The following FANCM variants were observed in gnomAD, a reference collection of about 807,000 sequenced individuals.
FANCM encodes the protein FA complementation group M, also known as Fanconi anemia group M protein.
Under a neutral mutation model 199.5 loss-of-function variants are expected in FANCM, and 140 were observed. The observed-to-expected ratio is 0.70, with a 90% CI of 0.61 to 0.81. FANCM has a LOEUF of 0.81. FANCM is among the 30% of genes least tolerant of loss of function. The pLI, the probability that FANCM is intolerant of heterozygous loss-of-function variation, is 0.00. For synonymous variants in FANCM, 840 were observed against 836.8 expected, an observed-to-expected ratio of 1.00 and a Z score of -0.07; for missense variants, 2,410 against 2,421.4, an observed-to-expected ratio of 1.00 and a Z score of 0.10.
rs80294966 is a variant in FANCM at position 45,154,466 on chromosome 14, A to T, written c.1184-231A>T. On this transcript the variant is annotated intron_variant, in intron 6 of 22. Transcript: ENST00000267430. ...TTAAAAATGATTTATTTTAAAAAGC[A>T]TTGGAATAATTAACAAATGGCCATG... is the stretch of plus-strand genomic sequence containing the variant. Among the ~76,000 whole-genome samples, 361 of 151,998 alleles carry T rather than the reference A, an allele frequency of 2.4e-3. 12 individuals are homozygous for T. In the East Asian group the frequency reaches 0.047, roughly 20 times the overall value.
At chr14:45,137,428 A>G in intron 2 of FANCM, 187 bp downstream of exon 2, 1 of 603,832 alleles carries the variant, frequency 1.7e-6, no homozygotes, top group Non-Finnish European at 2.9e-6. Flanking sequence ...CAGTGTCTTC[A>G]CTGCCTTTTG....
intron 3 of FANCM, among the ~76,000 whole-genome samples, chr14:45,143,786 C>T (rs759349992): frequency 4.6e-5 from 7 of 150,982 alleles, no homozygotes; most frequent in Admixed American, 6.6e-5. Context: ...CTCTGCCTCC[C>T]GGGTTCAAGC....
intron 3 of FANCM, among the ~76,000 whole-genome samples, chr14:45,144,780 A>G (rs2139134838): frequency 6.6e-6 from 1 of 152,272 alleles, no homozygotes; most frequent in South Asian, 2.1e-4. Context: ...AATGCTGTTC[A>G]AGAGTCAAGG....
chr14:45,140,363 ACCTTTGAGTATTTTGATTTGC>A (rs1424969668), intron 2 of FANCM, among the ~76,000 whole-genome samples: 1 of 152,066 alleles, frequency 6.6e-6, no homozygotes, highest in African/African-American at 2.4e-5. Context: ...TGTGCCCAGC[ACCTTTGAGTATTTTGATTTGC>A]CCTTTGAGTA....
rs1885527358 is a variant in FANCM at position 45,136,555 on chromosome 14, C to T, written c.508+16C>T. On this transcript the variant is annotated intron_variant, in intron 1 of 22. Coordinates refer to ENST00000267430, the MANE Select transcript of FANCM (RefSeq NM_020937.4). ...GAAATGACAGGTATCTTAGACTGGACTAATTTTGAAGTAAGAGCTGGGAAT... is the reference window on the plus strand; with the variant it reads ...GAAATGACAGGTATCTTAGACTGGATTAATTTTGAAGTAAGAGCTGGGAAT... 1.2e-6 allele frequency: 2 copies of T among 1,611,340 alleles called. No homozygotes were observed. The highest frequency in any genetic ancestry group is 1.7e-6 in the Non-Finnish European group (2 of 1,179,460).
Position 45,196,323 on chromosome 14 carries a change from T to C in FANCM, c.5492T>C (p.Leu1831Ser), listed in dbSNP as rs1219015477. 6.8e-6 allele frequency: 11 copies of C among 1,613,880 alleles called. No individual in the cohort carries two copies. The highest frequency in any genetic ancestry group is 9.3e-6 in the Non-Finnish European group (11 of 1,179,762). Residue 1831 changes from leucine to serine, a missense_variant, in exon 21 of 23, where the codon TTA becomes TCA. By Grantham distance (145) the Leu-to-Ser change is moderately radical (BLOSUM62 -2). Transcript: ENST00000267430. ...LVGGHEITSGLEVISSLRAIH... is the reference protein window; with the variant it reads ...LVGGHEITSGSEVISSLRAIH... The stretch of plus-strand genomic sequence containing the variant: ...GGTGGTCATGAAATCACTTCTGGAT[T>C]AGAAGTAATTTCTTCCCTAAGAGCA...
rs1259843239 is a variant in FANCM, at chr14:45,171,991, TC to T, written c.2161-1061del. 2.6e-5 allele frequency among the ~76,000 whole-genome samples: 4 copies of T among 152,274 alleles called. No homozygotes were observed. In the East Asian group the frequency reaches 7.7e-4, roughly 29 times the overall value. ...ACTCCCACCAGCAGTGTAAAAGTGT[TC>T]CCTTTTCACCACATCCACTCCAACA... On this transcript the variant is annotated intron_variant, in intron 12 of 22. Transcript: ENST00000267430.
chr14:45,196,390 T>A lies in FANCM; in HGVS notation c.5559T>A (p.Cys1853Ter), dbSNP rs1335619410. The change falls in exon 21 of 23, where the codon TGT becomes TGA. Residue 1853 changes from cysteine (C) to a stop codon, truncating the protein, a stop_gained. Coordinates refer to ENST00000267430, the MANE Select transcript of FANCM (RefSeq NM_020937.4). LOFTEE classifies it high-confidence loss of function. ...TAGAAGTTTGTCCTCTTAATGGCTGTGATTACATCGTGAGTAATCGCATGG... is the reference window on the plus strand; with the variant it reads ...TAGAAGTTTGTCCTCTTAATGGCTGAGATTACATCGTGAGTAATCGCATGG... Reference protein sequence around the residue: ...LQVEVCPLNGCDYIVSNRMVV... With the variant: ...LQVEVCPLNG 6.2e-7 allele frequency: 1 copy of A among 1,614,096 alleles called. No individual in the cohort carries two copies. The highest frequency in any genetic ancestry group is 1.1e-5 in the South Asian group (1 of 91,086).
intron 17 of FANCM, among the ~76,000 whole-genome samples, chr14:45,184,240 A>G (rs905408821): frequency 6.6e-6 from 1 of 152,092 alleles, no homozygotes; most frequent in Non-Finnish European, 1.5e-5. Context: ...TGTTTTTCTT[A>G]TTTGTATCCA....
At chr14:45,178,837 A>G (rs1428416153) in intron 14 of FANCM, among the ~76,000 whole-genome samples, 1 of 152,202 alleles carries the variant, frequency 6.6e-6, no homozygotes, top group African/African-American at 2.4e-5. Context: ...GGCCTAAAAT[A>G]ATCAGTAAAA....
intron 14 of FANCM, among the ~76,000 whole-genome samples, chr14:45,180,261 A>G (rs1040199292): frequency 6.6e-6 from 1 of 152,164 alleles, no homozygotes; most frequent in Non-Finnish European, 1.5e-5. Context: ...CTGGCCTAGG[A>G]TATTTCATGA....
At chr14:45,153,473 A>T (rs954727293) in intron 5 of FANCM, among the ~76,000 whole-genome samples, 3 of 152,214 alleles carry the variant, frequency 2.0e-5, no homozygotes, top group Non-Finnish European at 2.9e-5. Context: ...TTTGCCAGTA[A>T]CATTCATGAG....
Position 45,183,918 on chromosome 14 carries a change from G to C in FANCM, c.4515+16G>C, listed in dbSNP as rs1213024323. 6.3e-7 allele frequency: 1 copy of C among 1,587,728 alleles called. No homozygotes were observed. The highest frequency in any genetic ancestry group is 1.7e-5 in the Admixed American group (1 of 59,418). ...TCACTTAAAGGTAATCTTTTTTTTA[G>C]TTTCTTTAAATATGTATGCATTTTA... On this transcript the variant is annotated intron_variant, in intron 17 of 22. Coordinates refer to ENST00000267430, the MANE Select transcript of FANCM (RefSeq NM_020937.4).
chr14:45,196,456 C>A lies in FANCM; in HGVS notation c.5625C>A (p.Val1875=). ...CTCAATCTGAGATGTTAAATAGTGT[C>A]AATAAGAACAAGTTCATTGAGCAGA... ...RRSQSEMLNS[V]NKNKFIEQIQ... The change falls in exon 21 of 23, where the codon GTC becomes GTA. Residue 1875 remains valine, a synonymous_variant. Transcript: ENST00000267430. The A allele has an allele frequency of 6.2e-7, 1 of 1,613,920 alleles. No homozygotes were observed. The highest frequency in any genetic ancestry group is 1.1e-5 in the South Asian group (1 of 91,068).
At chr14:45,154,086 A>G in intron 6 of FANCM, 34 bp downstream of exon 6, 2 of 1,446,172 alleles carry the variant, frequency 1.4e-6, no homozygotes, top group African/African-American at 1.4e-5. Flanking sequence ...AGAAATAATG[A>G]CATGTATTAT....
In FANCM at chr14:45,145,835, G is replaced by A. The variant is rs1006631468; in HGVS notation, c.760-3002G>A. The stretch of plus-strand genomic sequence containing the variant: ...AGCACTTTGGGAGGCCGAGGCGGGC[G>A]GATCACGAGGTCAGGAGATCGAGAC... On this transcript the variant is annotated intron_variant, in intron 3 of 22. Transcript: ENST00000267430. Among the ~76,000 whole-genome samples, 6 of 152,038 alleles carry A rather than the reference G, an allele frequency of 3.9e-5. No individual in the cohort carries two copies. In the East Asian group the frequency reaches 7.7e-4, roughly 20 times the overall value.
chr14:45,187,810 T>G lies in FANCM; in HGVS notation c.4702T>G (p.Ser1568Ala), dbSNP rs1889500226. ...TGAAATGAGAGCTATTTACATGAAA[T>G]CTTTGCGTAGTCCAATGATGAACAA... ...DSEMRAIYMKSLRSPMMNNKY... is the reference protein window; with the variant it reads ...DSEMRAIYMKALRSPMMNNKY... The change falls in exon 19 of 23, where the codon TCT becomes GCT. Residue 1568 changes from serine (S) to alanine (A), a missense_variant. Physicochemically the swap from Ser to Ala is moderately conservative, Grantham distance 99. Coordinates refer to ENST00000267430, the MANE Select transcript of FANCM (RefSeq NM_020937.4). The G allele has an allele frequency of 1.9e-6, 3 of 1,578,640 alleles. No individual in the cohort carries two copies. Among genetic ancestry groups the G allele is most frequent in the Non-Finnish European group, 2.6e-6 (3 of 1,148,120 alleles).
At chr14:45,152,497 TC>T (rs1886896707) in intron 5 of FANCM, among the ~76,000 whole-genome samples, 2 of 152,328 alleles carry the variant, frequency 1.3e-5, no homozygotes, top group African/African-American at 4.8e-5. Context: ...GCTTCTTATT[TC>T]TAACCTGCAT....
At chr14:45,156,362 A>G (rs1887189673) in intron 8 of FANCM, among the ~76,000 whole-genome samples, 1 of 152,178 alleles carries the variant, frequency 6.6e-6, no homozygotes, top group Non-Finnish European at 1.5e-5. Context: ...TTAATTTCTG[A>G]ATATTTGTGC....
Sources: gnomAD v4.1 joint callset for allele counts (sites outside exome capture counted in the v4.1 genomes callset) on GRCh38, gnomAD v4.1.1 for gene constraint, MANE v1.5 for transcripts, NCBI Gene and HGNC (gene_info 2026-07-23, HGNC 2026-07-21) for gene names.